BCAR3: variants seen among roughly 807,000 people sequenced by gnomAD.
The protein encoded by BCAR3 is BCAR3 adaptor protein, NSP family member.
Under a neutral mutation model 80.1 loss-of-function variants are expected in BCAR3, and 37 were observed. That is an observed-to-expected ratio of 0.46 (90% CI 0.36 to 0.61). BCAR3 has a LOEUF of 0.61. Among genes scored for constraint, BCAR3 ranks in the 20% least tolerant of loss-of-function variants. The pLI, the probability that BCAR3 is intolerant of heterozygous loss-of-function variation, is 0.00. For synonymous variants in BCAR3, 389 were observed against 418.9 expected, an observed-to-expected ratio of 0.93 and a Z score of 0.87; for missense variants, 978 against 1,068.2, an observed-to-expected ratio of 0.92 and a Z score of 1.18.
intron 8 of BCAR3, 142 bp from the exon 9 acceptor site, chr1:93,571,983 CA>C: frequency 4.0e-6 from 4 of 1,003,190 alleles, no homozygotes; most frequent in Non-Finnish European, 5.7e-6. Context: ...TTTAGACGGC[CA>C]ATCTCAACAG....
At chr1:93,744,749 C>T (rs993168473) in intron 2 of BCAR3, among the ~76,000 whole-genome samples, 3 of 152,226 alleles carry the variant, frequency 2.0e-5, no homozygotes, top group Non-Finnish European at 1.5e-5. Context: ...CCCTCACTGA[C>T]ATGATTTATT....
Position 93,569,595 on chromosome 1 carries a change from G to A in BCAR3, c.1975-1744C>T, listed in dbSNP as rs1673123214. On this transcript the variant is annotated intron_variant, in intron 9 of 11. Coordinates refer to ENST00000260502, the MANE Select transcript of BCAR3 (RefSeq NM_003567.4). ...AGAGAAGGTGGCAGATGTGGCTATA[G>A]TGTAAGGGCTGGGTTGGATGGTGAC... 2.0e-5 allele frequency among the ~76,000 whole-genome samples: 3 copies of A among 152,370 alleles called. No homozygotes were observed. The South Asian group carries it at 6.2e-4, about 32-fold the overall frequency.
At chr1:93,724,330 A>T (rs1650506287) in intron 2 of BCAR3, among the ~76,000 whole-genome samples, 1 of 152,176 alleles carries the variant, frequency 6.6e-6, no homozygotes, top group African/African-American at 2.4e-5. Flanking sequence ...GGCTGCGTCC[A>T]TTACTGGCCT....
At chr1:93,614,183 C>T (rs2101882610) in intron 3 of BCAR3, 1 of 1,241,442 alleles carries the variant, frequency 8.1e-7, no homozygotes, top group East Asian at 3.5e-5. Flanking sequence ...CACACAGTGC[C>T]AGAAATTCTC....
At position 93,567,442 on chromosome 1, in the gene BCAR3, C is replaced by T. The variant is rs149267841; in HGVS notation, c.2136G>A (p.Pro712=). 4.3e-5 allele frequency: 70 copies of T among 1,614,176 alleles called. 1 individual carries two copies. The highest frequency in any genetic ancestry group is 4.3e-4 in the South Asian group (39 of 91,078). ...CCTGGCGCTCCATTAACGTCACAAG[C>T]GGCATCAGCAGTGGGACTGATACAT... ...PNNVSVPLLM[P]LVTLMERQAV... is the part of the protein sequence containing the mutation. The change falls in exon 11 of 12, where the codon CCG becomes CCA. Residue 712 remains proline, a synonymous_variant. Transcript: ENST00000260502.
At chr1:93,815,101 G>T (rs1466963498) in intron 2 of BCAR3, among the ~76,000 whole-genome samples, 3 of 152,210 alleles carry the variant, frequency 2.0e-5, no homozygotes, top group African/African-American at 7.2e-5. Flanking sequence ...ATTGGGTAAA[G>T]GAAACAAGCT....
At chr1:93,690,881 T>C (rs761602964) in intron 3 of BCAR3, among the ~76,000 whole-genome samples, 43 of 152,238 alleles carry the variant, frequency 2.8e-4, no homozygotes, top group Admixed American at 1.8e-3. Flanking sequence ...CTGCCTGACA[T>C]TATTGGGTGC....
intron 2 of BCAR3, among the ~76,000 whole-genome samples, chr1:93,642,815 C>CCAGTGCCTGGGTGATGGAGGG (rs1676025338): frequency 6.6e-6 from 1 of 152,210 alleles, no homozygotes; most frequent in Non-Finnish European, 1.5e-5. Context: ...CCCAGGTTGC[C>CCAGTGCCTGGGTGATGGAGGG]CAGTGCCTGG....
At chr1:93,641,984 T>A (rs1252563717) in intron 3 of BCAR3, among the ~76,000 whole-genome samples, 3 of 152,186 alleles carry the variant, frequency 2.0e-5, no homozygotes. Flanking sequence ...TGAGTGTGAT[T>A]ATGGAGTGCT....
intron 2 of BCAR3, among the ~76,000 whole-genome samples, chr1:93,767,038 A>T (rs1212811843): frequency 2.6e-5 from 4 of 152,076 alleles, no homozygotes; most frequent in Non-Finnish European, 5.9e-5. Flanking sequence ...GTAAAAAAAA[A>T]GCCTCCTTTT....
chr1:93,632,389 A>G (rs941599636), intron 3 of BCAR3, among the ~76,000 whole-genome samples: 3 of 152,200 alleles, frequency 2.0e-5, no homozygotes, highest in African/African-American at 7.2e-5. Context: ...TGCTGAAGTG[A>G]TATATATTCA....
chr1:93,831,754 TC>T (rs1477490122), intron 2 of BCAR3, among the ~76,000 whole-genome samples: 1 of 152,022 alleles, frequency 6.6e-6, no homozygotes, highest in Non-Finnish European at 1.5e-5. Context: ...AGCCTCCACT[TC>T]CCCACCCTAT....
At chr1:93,571,945 T>C in intron 8 of BCAR3, 104 bp from the exon 9 acceptor site, 1 of 1,343,202 alleles carries the variant, frequency 7.4e-7, no homozygotes, top group Non-Finnish European at 1.0e-6. Context: ...ATTTGCTCCT[T>C]TTGCTCTAAA....
chr1:93,787,537 T>A (rs1184229769), intron 2 of BCAR3, among the ~76,000 whole-genome samples: 2 of 152,206 alleles, frequency 1.3e-5, no homozygotes, highest in African/African-American at 4.8e-5. Context: ...CTCAAAAAAT[T>A]TTTTAATTTC....
At chr1:93,682,475 T>C (rs1403951633), upstream of BCAR3, among the ~76,000 whole-genome samples, 1 of 152,222 alleles carries the variant, frequency 6.6e-6, no homozygotes, top group African/African-American at 2.4e-5. Context: ...TGCTGTGCTG[T>C]ATTGGGGGTC....
chr1:93,571,336 C>A (rs774272773), intron 9 of BCAR3, among the ~76,000 whole-genome samples: 2 of 151,912 alleles, frequency 1.3e-5, no homozygotes, highest in Non-Finnish European at 2.9e-5. Context: ...CCTGTCCCTA[C>A]TAAAAATACA....
intron 2 of BCAR3, among the ~76,000 whole-genome samples, chr1:93,664,058 A>G (rs991834423): frequency 2.0e-5 from 3 of 152,210 alleles, no homozygotes; most frequent in African/African-American, 7.2e-5. Flanking sequence ...TGGCTGTCAG[A>G]GATTCTAAGG....
At chr1:93,574,407 A>G (rs1038052357) in intron 8 of BCAR3, among the ~76,000 whole-genome samples, 6 of 152,354 alleles carry the variant, frequency 3.9e-5, no homozygotes, top group Admixed American at 6.5e-5. Flanking sequence ...AACACATTGT[A>G]ATTAATAAAA....
chr1:93,613,564 T>C (rs1675017920), intron 3 of BCAR3, among the ~76,000 whole-genome samples: 1 of 152,210 alleles, frequency 6.6e-6, no homozygotes, highest in Non-Finnish European at 1.5e-5. Flanking sequence ...CTCTGTCCTA[T>C]TGAGCTACTT....
Sources: allele counts gnomAD v4.1 joint callset (sites outside exome capture counted in the v4.1 genomes callset), GRCh38; gene constraint gnomAD v4.1.1; transcripts MANE v1.5; gene names NCBI Gene and HGNC (gene_info 2026-07-23, HGNC 2026-07-21).